Variants in PICK1 observed in about 807,000 individuals in gnomAD.
PICK1 encodes PRKCA-binding protein.
Under a neutral mutation model 48.9 loss-of-function variants are expected in PICK1, and 23 were observed. That is an observed-to-expected ratio of 0.47 (90% CI 0.34 to 0.67). The LOEUF is 0.67. Among genes scored for constraint, PICK1 ranks in the 30% least tolerant of loss-of-function variants. PICK1 has a pLI of 0.01. For missense variants in PICK1, 423 were observed against 557.1 expected (o/e 0.76, Z 2.42); for synonymous variants, 217 against 228.2 (o/e 0.95, Z 0.44).
intron 5 of PICK1, among the ~76,000 whole-genome samples, chr22:38,068,519 G>A (rs116056795): frequency 0.012 from 1,838 of 152,246 alleles, 35 homozygotes; most frequent in African/African-American, 0.042. Flanking sequence ...AGCTCCCTCC[G>A]AAACCCTCTG....
At chr22:38,058,374 TATC>T (rs2085319987) in intron 2 of PICK1, among the ~76,000 whole-genome samples, 1 of 152,110 alleles carries the variant, frequency 6.6e-6, no homozygotes, top group African/African-American at 2.4e-5. Flanking sequence ...CGTGAGTACT[TATC>T]ATAAAACACC....
Position 38,067,697 on chromosome 22 carries a change from C to T in PICK1, c.283-7C>T, listed in dbSNP as rs768900015. On this transcript the variant is annotated splice_polypyrimidine_tract_variant and splice_region_variant and intron_variant, in intron 4 of 12. Transcript: ENST00000356976. ...CGCTCACTAGTCTGTGTGTGCTGCTCTTCCAGGGGGAGGTGACCATCCACT... is the reference window on the plus strand; with the variant it reads ...CGCTCACTAGTCTGTGTGTGCTGCTTTTCCAGGGGGAGGTGACCATCCACT... 6.2e-7 allele frequency: 1 copy of T among 1,613,298 alleles called. No individual in the cohort carries two copies. Among genetic ancestry groups the T allele is most frequent in the Non-Finnish European group, 8.5e-7 (1 of 1,179,282 alleles).
chr22:38,062,613 C>T (rs767842833), intron 3 of PICK1, among the ~76,000 whole-genome samples: 1 of 152,140 alleles, frequency 6.6e-6, no homozygotes. Context: ...CTGCCCCTGC[C>T]CCTTCTCTTT....
In PICK1 at chr22:38,067,709, G is replaced by T. The variant is rs774355038; in HGVS notation, c.288G>T (p.Glu96Asp). ...TGTGTGTGCTGCTCTTCCAGGGGGA[G>T]GTGACCATCCACTACAACAAGCTGC... is the stretch of plus-strand genomic sequence containing the variant. Reference protein sequence around the residue: ...VAKMIQEVKGEVTIHYNKLQA... With the variant: ...VAKMIQEVKGDVTIHYNKLQA... The change falls in exon 5 of 13, where the codon GAG becomes GAT. Residue 96 changes from glutamate (E) to aspartate (D), a missense_variant. Around this residue, in one of 2 missense-constraint regions of PICK1, gnomAD observed 279 missense variants for 417.8 expected, o/e 0.67. Transcript: ENST00000356976. 6.2e-7 allele frequency: 1 copy of T among 1,613,726 alleles called. No individual in the cohort carries two copies. The highest frequency in any genetic ancestry group is 8.5e-7 in the Non-Finnish European group (1 of 1,179,672).
At chr22:38,068,793 C>G (rs919054124) in intron 5 of PICK1, among the ~76,000 whole-genome samples, 1 of 152,198 alleles carries the variant, frequency 6.6e-6, no homozygotes, top group East Asian at 1.9e-4. Flanking sequence ...GCTGATGTTG[C>G]GTAGCAGGCC....
In PICK1 at chr22:38,064,551, C is replaced by T. The variant is rs373123403; in HGVS notation, c.154-451C>T. The stretch of plus-strand genomic sequence containing the variant: ...CCAAAGCAGGTGGATCACCTGAGGT[C>T]GGGAGTTTGAGACCAGCCTGACCAA... On this transcript the variant is annotated intron_variant, in intron 3 of 12. Transcript: ENST00000356976. Among the ~76,000 whole-genome samples, 395 of 151,980 alleles carry T rather than the reference C, an allele frequency of 2.6e-3. 3 individuals carry two copies. The highest frequency in any genetic ancestry group is 8.3e-3 in the African/African-American group (345 of 41,494).
chr22:38,075,263 T>C lies in PICK1; in HGVS notation c.*131T>C, dbSNP rs1601963618. ...TGGGGCGCCTGCCTCCCTGCTCCTC[T>C]GTCCTCGCACAGCGAACCTGGGCTC... On this transcript the variant is annotated 3_prime_UTR_variant, in exon 13 of 13. Coordinates refer to ENST00000356976, the MANE Select transcript of PICK1 (RefSeq NM_012407.4). 1.1e-5 allele frequency: 10 copies of C among 889,868 alleles called. No individual in the cohort carries two copies. In the East Asian group the frequency reaches 2.7e-4, roughly 24 times the overall value. The allele number at this position is 889,868 out of a possible 1,614,324, so 55.1% of individuals were successfully genotyped here.
intron 5 of PICK1, chr22:38,068,066 T>C (rs1413278589): frequency 1.8e-6 from 1 of 541,526 alleles, no homozygotes; most frequent in East Asian, 4.7e-5. Context: ...GGGTTGTCCT[T>C]TGCAGGCCAG....
intron 8 of PICK1, 194 bp downstream of exon 8, chr22:38,071,938 A>T: frequency 1.5e-6 from 1 of 648,508 alleles, no homozygotes; most frequent in South Asian, 1.7e-5. Flanking sequence ...GGCCGCAACG[A>T]TGAACAGGCC....
chr22:38,057,975 A>G (rs2085311199), intron 2 of PICK1, 125 bp downstream of exon 2: 3 of 795,960 alleles, frequency 3.8e-6, no homozygotes, highest in South Asian at 2.9e-5. Context: ...TGAAGCAGCA[A>G]TGGACCCTGC....
chr22:38,074,430 G>C lies in PICK1; in HGVS notation c.958G>C (p.Glu320Gln), dbSNP rs779971688. The change falls in exon 12 of 13, where the codon GAG becomes CAG. Residue 320 changes from glutamate to glutamine, a missense_variant. By Grantham distance (29) the Glu-to-Gln change is conservative. Around this residue, in one of 2 missense-constraint regions of PICK1, gnomAD observed 144 missense variants for 139.3 expected, o/e 1.03. Coordinates refer to ENST00000356976, the MANE Select transcript of PICK1 (RefSeq NM_012407.4). The surrounding 1 kb of genome is among the most constrained non-coding windows in gnomAD (Gnocchi z 4.5). Reference protein sequence around the residue: ...QMRKDVLEKMELLDQKHVQDI... With the variant: ...QMRKDVLEKMQLLDQKHVQDI... ...GCGCAAGGATGTGCTGGAGAAGATGGAGCTGCTGGACCAGAAGCACGGTGA... is the reference window on the plus strand; with the variant it reads ...GCGCAAGGATGTGCTGGAGAAGATGCAGCTGCTGGACCAGAAGCACGGTGA... The C allele has an allele frequency of 1.2e-6, 2 of 1,613,202 alleles. No homozygotes were observed. Among genetic ancestry groups the C allele is most frequent in the South Asian group, 1.1e-5 (1 of 91,082 alleles).
Position 38,070,897 on chromosome 22 carries a change from T to C in PICK1, c.493+6T>C, listed in dbSNP as rs1569202298. On this transcript the variant is annotated splice_donor_region_variant and intron_variant, in intron 7 of 12. Coordinates refer to ENST00000356976, the MANE Select transcript of PICK1 (RefSeq NM_012407.4). ...GACCGCTGAGCTATACAAAGGTGGGTGGGGGGTGGCCTCGTCCTGGCACTA... is the reference window on the plus strand; with the variant it reads ...GACCGCTGAGCTATACAAAGGTGGGCGGGGGGTGGCCTCGTCCTGGCACTA... The C allele has an allele frequency of 9.3e-6, 15 of 1,612,800 alleles. No homozygotes were observed. The highest frequency in any genetic ancestry group is 1.6e-4 in the Middle Eastern group (1 of 6,080).
At chr22:38,058,873 G>A (rs1174900745) in intron 2 of PICK1, among the ~76,000 whole-genome samples, 1 of 152,168 alleles carries the variant, frequency 6.6e-6, no homozygotes, top group Non-Finnish European at 1.5e-5. Context: ...CAGGCGTGGT[G>A]GCAGGCACCT....
At chr22:38,058,240 T>C (rs1601934011) in intron 2 of PICK1, 1 of 294,252 alleles carries the variant, frequency 3.4e-6, no homozygotes, top group East Asian at 7.7e-5. Flanking sequence ...ATTTTCCCAT[T>C]AGAATATATC....
chr22:38,067,999 C>T (rs768505483), intron 5 of PICK1: 38 of 645,830 alleles, frequency 5.9e-5, no homozygotes, highest in Non-Finnish European at 2.7e-5. Context: ...CTCACTCCCC[C>T]GCGTTTCACC....
At position 38,066,368 on chromosome 22, in the gene PICK1, C is replaced by T. The variant is rs1408742070; in HGVS notation, c.282+1238C>T. 1.3e-5 allele frequency among the ~76,000 whole-genome samples: 2 copies of T among 152,224 alleles called. No individual in the cohort carries two copies. Among genetic ancestry groups the T allele is most frequent in the East Asian group, 1.9e-4 (1 of 5,198 alleles). On this transcript the variant is annotated intron_variant, in intron 4 of 12. Transcript: ENST00000356976. This position sits in a 1 kb window ranked among gnomAD's most constrained non-coding sequence, Gnocchi z 4.1. ...TCCGCATCTCCTCCCCATCTCCACTCGCCAGGTCCCTCCCTGTCCTCTCAG... is the reference window on the plus strand; with the variant it reads ...TCCGCATCTCCTCCCCATCTCCACTTGCCAGGTCCCTCCCTGTCCTCTCAG...
intron 6 of PICK1, among the ~76,000 whole-genome samples, chr22:38,069,430 C>A (rs778058061): frequency 2.0e-5 from 3 of 152,222 alleles, no homozygotes; most frequent in Non-Finnish European, 4.4e-5. Flanking sequence ...AGCACTCTCG[C>A]GGCCCACCTC....
intron 3 of PICK1, among the ~76,000 whole-genome samples, chr22:38,062,652 C>T (rs753030820): frequency 3.3e-5 from 5 of 151,136 alleles, no homozygotes; most frequent in Non-Finnish European, 7.4e-5. Flanking sequence ...GGTCCCTTTC[C>T]TGGTTTACTC....
At chr22:38,071,564 G>T in intron 7 of PICK1, 118 bp from the exon 8 acceptor site, 1 of 909,304 alleles carries the variant, frequency 1.1e-6, no homozygotes, top group South Asian at 1.3e-5. Context: ...GTGGGGAAAG[G>T]CCATGTATCA....
Sources: gnomAD v4.1 joint callset for allele counts (sites outside exome capture counted in the v4.1 genomes callset) on GRCh38, gnomAD v4.1.1 for gene constraint, gnomAD v4.1.1 regional missense constraint, Gnocchi (gnomAD v3.1) non-coding constraint, MANE v1.5 for transcripts, NCBI Gene and HGNC (gene_info 2026-07-23, HGNC 2026-07-21) for gene names.